The following MKLN1 variants were observed in gnomAD, a reference collection of about 807,000 sequenced individuals.
The protein encoded by MKLN1 is muskelin.
MKLN1 carries 18 observed loss-of-function variants against 99.0 expected under a neutral mutation model. That is an observed-to-expected ratio of 0.18 (90% CI 0.13 to 0.27). The LOEUF (loss-of-function observed/expected upper bound fraction) is 0.27, where lower values mean the gene tolerates loss of function less well. Ranked by LOEUF, MKLN1 falls within the 10% of genes least tolerant of loss-of-function variation. The probability of loss-of-function intolerance (pLI) is 1.00; values close to 1 mark genes in which losing one functional copy is unlikely to be tolerated. For missense variants in MKLN1, 621 were observed against 875.9 expected (o/e 0.71, Z 3.67); for synonymous variants, 288 against 293.2 (o/e 0.98, Z 0.18).
intron 3 of MKLN1, among the ~76,000 whole-genome samples, chr7:131,315,752 T>A (rs1317868775): frequency 6.6e-6 from 1 of 152,156 alleles, no homozygotes; most frequent in Non-Finnish European, 1.5e-5. Context: ...AGTAGGCAGT[T>A]TTCCCCTGAT....
At chr7:131,220,416 A>G (rs1422837083) in intron 3 of MKLN1, among the ~76,000 whole-genome samples, 1 of 149,920 alleles carries the variant, frequency 6.7e-6, no homozygotes, top group Non-Finnish European at 1.5e-5. Flanking sequence ...GCCCTTGTAT[A>G]CATGTAACCG....
intron 4 of MKLN1, among the ~76,000 whole-genome samples, chr7:131,389,986 C>T (rs972150110): frequency 9.9e-5 from 15 of 152,046 alleles, no homozygotes; most frequent in Middle Eastern, 3.4e-3. Context: ...GAATTAGATA[C>T]TTTGAAGAAT....
rs182865962 is a variant in MKLN1, at chr7:131,197,210, T to A, written c.-296-5647T>A. 5.6e-3 allele frequency among the ~76,000 whole-genome samples: 858 copies of A among 152,112 alleles called. 4 individuals carry two copies. Among genetic ancestry groups the A allele is most frequent in the Non-Finnish European group, 8.5e-3 (577 of 68,008 alleles). On this transcript the variant is annotated intron_variant, in intron 2 of 7. Coordinates refer to the MKLN1 transcript ENST00000416992. Reference sequence around the variant, plus strand: ...GCACAGGCTTGATTGTTTGATTGATTGATTTTTTTTTGAGACAGGGTCTCG... The same window carrying A: ...GCACAGGCTTGATTGTTTGATTGATAGATTTTTTTTTGAGACAGGGTCTCG...
chr7:131,251,093 A>ACGTGTGTGTGTG (rs1554542497), intron 3 of MKLN1, among the ~76,000 whole-genome samples: 5 of 146,260 alleles, frequency 3.4e-5, no homozygotes, highest in African/African-American at 5.0e-5. Context: ...TGGGGCCCAG[A>ACGTGTGTGTGTG]TGTGTGTGTG....
At chr7:131,245,022 C>T (rs1365999873) in intron 3 of MKLN1, among the ~76,000 whole-genome samples, 1 of 152,082 alleles carries the variant, frequency 6.6e-6, no homozygotes, top group Non-Finnish European at 1.5e-5. Context: ...CTAGAAGGGA[C>T]GAATGAGAAA....
chr7:131,427,599 G>A (rs1795395263), intron 8 of MKLN1, among the ~76,000 whole-genome samples: 1 of 152,056 alleles, frequency 6.6e-6, no homozygotes, highest in South Asian at 2.1e-4. Context: ...GTCACCCCAG[G>A]CTGGAGTGCA....
intron 2 of MKLN1, among the ~76,000 whole-genome samples, chr7:131,183,441 C>T (rs1796403806): frequency 6.6e-6 from 1 of 152,196 alleles, no homozygotes; most frequent in Non-Finnish European, 1.5e-5. Flanking sequence ...TGTACTCCTT[C>T]ATTCTCTGTC....
chr7:131,381,806 C>A (rs927505054), intron 2 of MKLN1, among the ~76,000 whole-genome samples: 1 of 152,108 alleles, frequency 6.6e-6, no homozygotes, highest in Non-Finnish European at 1.5e-5. Context: ...GTAACCAATG[C>A]TAACAATCAG....
At chr7:131,318,095 C>G (rs1006476223) in intron 3 of MKLN1, among the ~76,000 whole-genome samples, 1 of 152,176 alleles carries the variant, frequency 6.6e-6, no homozygotes, top group Non-Finnish European at 1.5e-5. Flanking sequence ...GTACTCAGCT[C>G]TGGATCAAGT....
intron 2 of MKLN1, among the ~76,000 whole-genome samples, chr7:131,178,005 T>G (rs1309579504): frequency 6.6e-6 from 1 of 152,198 alleles, no homozygotes; most frequent in Non-Finnish European, 1.5e-5. Context: ...CTCCTGCAGC[T>G]CTAGCCATCA....
chr7:131,214,836 T>A (rs1369946164), intron 3 of MKLN1, among the ~76,000 whole-genome samples: 4 of 152,256 alleles, frequency 2.6e-5, no homozygotes, highest in African/African-American at 9.6e-5. Flanking sequence ...ATGAATGTTT[T>A]AATTCATGAA....
intron 9 of MKLN1, among the ~76,000 whole-genome samples, chr7:131,437,191 A>G (rs915639821): frequency 6.6e-6 from 1 of 152,086 alleles, no homozygotes; most frequent in African/African-American, 2.4e-5. Flanking sequence ...CATCATTTAC[A>G]TTAGGTATTT....
At chr7:131,332,467 T>G (rs1024179607) in intron 1 of MKLN1, among the ~76,000 whole-genome samples, 2 of 148,650 alleles carry the variant, frequency 1.3e-5, no homozygotes, top group African/African-American at 4.9e-5. Flanking sequence ...TATATTAAAA[T>G]ATATTTTATA....
intron 2 of MKLN1, among the ~76,000 whole-genome samples, chr7:131,144,929 A>G (rs1489659388): frequency 2.0e-5 from 3 of 152,102 alleles, no homozygotes; most frequent in African/African-American, 4.8e-5. Flanking sequence ...GTGAGCCAAG[A>G]TTGCACCATT....
At chr7:131,185,169 C>G (rs972315704) in intron 2 of MKLN1, among the ~76,000 whole-genome samples, 6 of 152,182 alleles carry the variant, frequency 3.9e-5, no homozygotes, top group African/African-American at 1.4e-4. Flanking sequence ...CAATATCACT[C>G]ACTTACATCA....
chr7:131,362,752 A>G (rs1800068373), intron 1 of MKLN1, among the ~76,000 whole-genome samples: 1 of 151,816 alleles, frequency 6.6e-6, no homozygotes, highest in African/African-American at 2.4e-5. Flanking sequence ...TTTAAAATTT[A>G]GTCTGTGTTT....
intron 1 of MKLN1, among the ~76,000 whole-genome samples, chr7:131,111,156 A>G (rs1795191347): frequency 6.6e-6 from 1 of 152,150 alleles, no homozygotes; most frequent in Non-Finnish European, 1.5e-5. Context: ...TCATACATTT[A>G]GAGGTAAGGG....
At chr7:131,303,187 G>A (rs570945175) in intron 3 of MKLN1, among the ~76,000 whole-genome samples, 18 of 152,236 alleles carry the variant, frequency 1.2e-4, no homozygotes, top group Admixed American at 3.9e-4. Context: ...GCAAACCAAG[G>A]AAGGGATGAA....
At chr7:131,409,106 A>C (rs186409743) in intron 6 of MKLN1, among the ~76,000 whole-genome samples, 1 of 152,340 alleles carries the variant, frequency 6.6e-6, no homozygotes, top group East Asian at 1.9e-4. Context: ...CATGGTTCAC[A>C]GGCATCTTTA....
Sources: allele counts gnomAD v4.1 joint callset (sites outside exome capture counted in the v4.1 genomes callset), GRCh38; gene constraint gnomAD v4.1.1; transcripts MANE v1.5; gene names NCBI Gene and HGNC (gene_info 2026-07-23, HGNC 2026-07-21).